CNTN4: variants seen among roughly 807,000 people sequenced by gnomAD.
CNTN4 encodes the protein contactin 4.
A neutral mutation model predicts 122.5 loss-of-function variants in CNTN4; 77 were observed. That is an observed-to-expected ratio of 0.63 (90% CI 0.52 to 0.76). The LOEUF (loss-of-function observed/expected upper bound fraction) is 0.76, where lower values mean the gene tolerates loss of function less well. Ranked by LOEUF, CNTN4 falls within the 30% of genes least tolerant of loss-of-function variation. CNTN4 has a pLI of 0.00. For synonymous variants in CNTN4, 512 were observed against 447.0 expected (o/e 1.15, Z -1.83); for missense variants, 1,256 against 1,259.1 (o/e 1.00, Z 0.04).
At chr3:2,985,532 C>CA (rs1419208295) in intron 13 of CNTN4, 2 of 152,436 alleles carry the variant, frequency 1.3e-5, no homozygotes, top group South Asian at 4.1e-4. Context: ...AATCCTTCAA[C>CA]AACAGCAATG....
At chr3:2,162,120 A>C (rs1046724889) in intron 2 of CNTN4, among the ~76,000 whole-genome samples, 23 of 152,230 alleles carry the variant, frequency 1.5e-4, no homozygotes, top group Admixed American at 1.2e-3. Context: ...GTGAATGATA[A>C]TAAAATACCA....
At chr3:2,122,332 T>A (rs1324779369) in intron 2 of CNTN4, among the ~76,000 whole-genome samples, 4 of 152,162 alleles carry the variant, frequency 2.6e-5, no homozygotes, top group Non-Finnish European at 1.5e-5. Context: ...TATTGTTATA[T>A]GGGCACATAT....
intron 2 of CNTN4, among the ~76,000 whole-genome samples, chr3:2,314,674 G>A (rs560144827): frequency 2.6e-5 from 4 of 151,914 alleles, no homozygotes; most frequent in East Asian, 3.9e-4. Context: ...AGGATAAAAT[G>A]AGATATCTAT....
At position 2,121,292 on chromosome 3, in the gene CNTN4, G is replaced by A. The variant is rs546574722; in HGVS notation, c.-145+20653G>A. 4.6e-5 allele frequency among the ~76,000 whole-genome samples: 7 copies of A among 152,292 alleles called. No homozygotes were observed. In the East Asian group the frequency reaches 1.4e-3, roughly 29 times the overall value. ...AGGCGGGCAGATCACGAGGTCAGAA[G>A]TTTGAGACCAGCCTGACCAACATAG... On this transcript the variant is annotated intron_variant, in intron 2 of 24. Transcript: ENST00000418658.
chr3:2,545,781 C>T (rs538175515), intron 3 of CNTN4, among the ~76,000 whole-genome samples: 1 of 151,910 alleles, frequency 6.6e-6, no homozygotes, highest in African/African-American at 2.4e-5. Flanking sequence ...AGGTAGGCCT[C>T]TCTTGAAGAC....
intron 2 of CNTN4, among the ~76,000 whole-genome samples, chr3:2,252,714 T>G (rs1454352548): frequency 1.3e-5 from 2 of 152,088 alleles, no homozygotes; most frequent in Admixed American, 6.6e-5. Context: ...AAATGCTGAA[T>G]CCCTTTAAGT....
intron 4 of CNTN4, among the ~76,000 whole-genome samples, chr3:2,669,809 T>C (rs1470892484): frequency 1.3e-5 from 2 of 152,236 alleles, no homozygotes; most frequent in African/African-American, 4.8e-5. Flanking sequence ...TTCTCCTTGG[T>C]TTCCAAGAAC....
intron 3 of CNTN4, among the ~76,000 whole-genome samples, chr3:2,536,010 C>T (rs1438395066): frequency 6.6e-6 from 1 of 152,044 alleles, no homozygotes; most frequent in Admixed American, 6.6e-5. Flanking sequence ...CAAGAAAGAA[C>T]AATGAGTAGA....
At chr3:2,336,055 G>A (rs1347514233) in intron 2 of CNTN4, among the ~76,000 whole-genome samples, 4 of 152,152 alleles carry the variant, frequency 2.6e-5, no homozygotes, top group Non-Finnish European at 5.9e-5. Context: ...AAGCCGAACA[G>A]TGATAAATAT....
At chr3:2,304,813 T>C (rs1376126273) in intron 2 of CNTN4, among the ~76,000 whole-genome samples, 4 of 150,806 alleles carry the variant, frequency 2.7e-5, no homozygotes, top group African/African-American at 7.3e-5. Context: ...GTCTCCATTG[T>C]AATGTATGTG....
chr3:2,651,540 G>A (rs1288558612), intron 4 of CNTN4, among the ~76,000 whole-genome samples: 1 of 151,946 alleles, frequency 6.6e-6, no homozygotes, highest in East Asian at 1.9e-4. Flanking sequence ...CTCTTCCTTT[G>A]ATTGAGTAGC....
At chr3:2,746,032 C>A (rs4685549) in intron 6 of CNTN4, among the ~76,000 whole-genome samples, 126,909 of 149,452 alleles carry the variant, frequency 0.85, 54,297 homozygotes, top group Non-Finnish European at 0.92. Flanking sequence ...CCACACACAC[C>A]CACACACACA....
At chr3:2,979,956 A>G (rs1054770153) in intron 13 of CNTN4, among the ~76,000 whole-genome samples, 3 of 152,134 alleles carry the variant, frequency 2.0e-5, no homozygotes, top group Admixed American at 2.0e-4. Context: ...CTTTTGGGTG[A>G]TAGAGTGAAG....
intron 4 of CNTN4, among the ~76,000 whole-genome samples, chr3:2,599,020 G>A (rs1326329445): frequency 6.6e-6 from 1 of 152,186 alleles, no homozygotes; most frequent in Non-Finnish European, 1.5e-5. Flanking sequence ...GGTAATAACT[G>A]ACATATGTTG....
At chr3:2,884,729 G>A (rs2150995629) in intron 9 of CNTN4, among the ~76,000 whole-genome samples, 1 of 152,238 alleles carries the variant, frequency 6.6e-6, no homozygotes, top group East Asian at 1.9e-4. Flanking sequence ...ATGACACCTT[G>A]AAAAATCATC....
intron 3 of CNTN4, among the ~76,000 whole-genome samples, chr3:2,379,866 C>G (rs2045952575): frequency 6.6e-6 from 1 of 151,990 alleles, no homozygotes; most frequent in Non-Finnish European, 1.5e-5. Context: ...ACCAACCTGA[C>G]AAACATGGAG....
chr3:2,377,080 C>T (rs770193711), intron 3 of CNTN4, among the ~76,000 whole-genome samples: 11 of 151,652 alleles, frequency 7.3e-5, no homozygotes, highest in Non-Finnish European at 1.2e-4. Flanking sequence ...CACTTGAACC[C>T]GGGAGGCAGA....
intron 3 of CNTN4, among the ~76,000 whole-genome samples, chr3:2,461,572 T>C (rs2049212507): frequency 6.6e-6 from 1 of 152,206 alleles, no homozygotes; most frequent in African/African-American, 2.4e-5. Flanking sequence ...CTGTACCGAC[T>C]TGTATCACTA....
intron 4 of CNTN4, among the ~76,000 whole-genome samples, chr3:2,622,673 T>A (rs1426858401): frequency 6.6e-6 from 1 of 152,232 alleles, no homozygotes; most frequent in Non-Finnish European, 1.5e-5. Flanking sequence ...TTGAATGTTT[T>A]AATGTTTGCC....
Sources: gnomAD v4.1 joint callset for allele counts (sites outside exome capture counted in the v4.1 genomes callset) on GRCh38, gnomAD v4.1.1 for gene constraint, MANE v1.5 for transcripts, NCBI Gene and HGNC (gene_info 2026-07-23, HGNC 2026-07-21) for gene names.